HERC2: variants seen among roughly 807,000 people sequenced by gnomAD.
The protein encoded by HERC2 is HECT and RLD domain containing E3 ubiquitin protein ligase 2, also known as E3 ubiquitin-protein ligase HERC2.
In HERC2, 102 loss-of-function variants were observed where a neutral mutation model predicts 537.7. That is an observed-to-expected ratio of 0.19 (90% CI 0.16 to 0.22). The LOEUF is 0.22. Ranked by LOEUF, HERC2 falls within the 10% of genes least tolerant of loss-of-function variation. HERC2 has a pLI of 1.00. For missense variants in HERC2, 4,236 were observed against 6,198.2 expected, an observed-to-expected ratio of 0.68 and a Z score of 10.63; for synonymous variants, 2,224 against 2,466.2, an observed-to-expected ratio of 0.90 and a Z score of 2.91.
chr15:28,256,135 G>T lies in HERC2; in HGVS notation c.2700C>A (p.Thr900=). 1 of 1,601,930 alleles carries T rather than the reference G, an allele frequency of 6.2e-7. No homozygotes were observed. The highest frequency in any genetic ancestry group is 8.5e-7 in the Non-Finnish European group (1 of 1,179,524). Residue 900 remains threonine, a synonymous_variant, in exon 18 of 93, where the codon ACC becomes ACA. Transcript: ENST00000261609. Reference sequence around the variant, plus strand: ...AGAGTGCCCGGGCCCGCTCCTCCGCGGTGGGCAGCAGCACGGACCAGCCAC... The same window carrying T: ...AGAGTGCCCGGGCCCGCTCCTCCGCTGTGGGCAGCAGCACGGACCAGCCAC... ...LQSGWSVLLP[T]AEERARALSA...
intron 4 of HERC2, among the ~76,000 whole-genome samples, chr15:28,282,966 A>AGGGAT (rs199907206): frequency 0.068 from 9,499 of 139,144 alleles, 1,194 homozygotes; most frequent in African/African-American, 0.25. Context: ...AGGGACAGGA[A>AGGGAT]GGGATGGGAC....
chr15:28,299,232 C>T (rs1221895891), intron 3 of HERC2, among the ~76,000 whole-genome samples, 170 bp downstream of exon 3: 2 of 152,004 alleles, frequency 1.3e-5, no homozygotes, highest in Non-Finnish European at 2.9e-5. Context: ...CAATAAAATC[C>T]GAGCAGCTTG....
chr15:28,218,467 C>T (rs776053590), intron 38 of HERC2, 22 bp downstream of exon 38: 13 of 1,580,324 alleles, frequency 8.2e-6, no homozygotes, highest in Non-Finnish European at 8.6e-6. Context: ...ACTCCCTGGG[C>T]CCTCGATCTC....
intron 55 of HERC2, chr15:28,190,687 A>C: frequency 2.0e-6 from 1 of 495,266 alleles, no homozygotes; most frequent in Non-Finnish European, 3.6e-6. Context: ...GCAACCTAAA[A>C]TGCCTGATGA....
chr15:28,167,032 G>A (rs1894210807), intron 68 of HERC2, among the ~76,000 whole-genome samples: 1 of 152,148 alleles, frequency 6.6e-6, no homozygotes. Flanking sequence ...CAATAAATGT[G>A]AACAATGAAA....
At chr15:28,182,536 A>G in intron 56 of HERC2, 24 bp from the exon 57 acceptor site, 1 of 1,524,944 alleles carries the variant, frequency 6.6e-7, no homozygotes, top group Non-Finnish European at 9.0e-7. Flanking sequence ...AAAAAAAAAG[A>G]AAAAGAAAAG....
chr15:28,241,799 G>A (rs1429621938), intron 23 of HERC2, among the ~76,000 whole-genome samples: 5 of 152,050 alleles, frequency 3.3e-5, no homozygotes, highest in East Asian at 1.9e-4. Flanking sequence ...CAACCTGGGC[G>A]ACAGAGCAAG....
chr15:28,251,226 T>A (rs2140855273), intron 20 of HERC2, among the ~76,000 whole-genome samples: 1 of 152,062 alleles, frequency 6.6e-6, no homozygotes, highest in Non-Finnish European at 1.5e-5. Flanking sequence ...GCAGATTACC[T>A]CAGGTTGGGA....
intron 65 of HERC2, among the ~76,000 whole-genome samples, chr15:28,172,235 C>T (rs546469043): frequency 6.6e-6 from 1 of 152,308 alleles, no homozygotes; most frequent in African/African-American, 2.4e-5. Context: ...ATGCAATCCA[C>T]ATCAAAATCC....
At chr15:28,149,856 C>T (rs1421969747) in intron 70 of HERC2, among the ~76,000 whole-genome samples, 1 of 151,992 alleles carries the variant, frequency 6.6e-6, no homozygotes, top group Non-Finnish European at 1.5e-5. Flanking sequence ...CACGAACGCA[C>T]ATTCTAGTAA....
chr15:28,226,887 T>A (rs1326959341), intron 35 of HERC2, among the ~76,000 whole-genome samples: 1 of 151,962 alleles, frequency 6.6e-6, no homozygotes, highest in Non-Finnish European at 1.5e-5. Flanking sequence ...TTTTAAAGAG[T>A]CTGAGGACTG....
rs1193223380 is a variant in HERC2 at position 28,130,471 on chromosome 15, T to C, written c.12662+32A>G. 9 of 1,604,630 alleles carry C rather than the reference T, an allele frequency of 5.6e-6. No individual in the cohort carries two copies. In the East Asian group the frequency reaches 1.8e-4, roughly 32 times the overall value. ...ACATACCCCAATAAAAATCTGGTTT[T>C]AGTGGGTTTAAACAAACAGAATCTT... On this transcript the variant is annotated intron_variant, in intron 82 of 92. Coordinates refer to ENST00000261609, the MANE Select transcript of HERC2 (RefSeq NM_004667.6).
rs781315090 is a variant in HERC2, at chr15:28,141,564, G to A, written c.11883C>T (p.His3961=). 1 of 1,614,126 alleles carries A rather than the reference G, an allele frequency of 6.2e-7. No individual in the cohort carries two copies. Among genetic ancestry groups the A allele is most frequent in the South Asian group, 1.1e-5 (1 of 91,084 alleles). The change falls in exon 78 of 93, where the codon CAC becomes CAT. Residue 3961 remains histidine (H), a synonymous_variant. Transcript: ENST00000261609. ...SGTIYGWGHN[H]RGQLGGIEGA... ...CTTCAATGCCCCCGAGCTGGCCCCT[G>A]TGATTATGTCCCCATCCATAAATTG...
chr15:28,129,780 C>CTTTTT lies in HERC2; in HGVS notation c.12802+378_12802+382dup, dbSNP rs36068402. Among the ~76,000 whole-genome samples, 24 of 143,546 alleles carry CTTTTT rather than the reference C, an allele frequency of 1.7e-4. 10 individuals are homozygous for CTTTTT. The highest frequency in any genetic ancestry group is 1.5e-4 in the Non-Finnish European group (10 of 65,886). 94.2% of individuals were successfully genotyped at this position (143,546 alleles called of 152,430 possible). ...AGGACACAGTATAAGCCTCTGCCTC[C>CTTTTT]TTTTTTTTTTTTTTTTTGAGACAGT... On this transcript the variant is annotated intron_variant, in intron 83 of 92. Coordinates refer to ENST00000261609, the MANE Select transcript of HERC2 (RefSeq NM_004667.6).
intron 4 of HERC2, among the ~76,000 whole-genome samples, chr15:28,291,367 G>A (rs543187960): frequency 6.3e-4 from 96 of 152,152 alleles, no homozygotes; most frequent in African/African-American, 2.3e-3. Flanking sequence ...TGGGATTACA[G>A]GCGTGAGATA....
intron 2 of HERC2, among the ~76,000 whole-genome samples, chr15:28,300,114 C>T (rs2076581630): frequency 6.6e-6 from 1 of 150,702 alleles, no homozygotes; most frequent in African/African-American, 2.4e-5. Context: ...CACACACGTG[C>T]ATGTGCTCTG....
At chr15:28,201,678 T>TA in intron 47 of HERC2, 124 bp from the exon 48 acceptor site, 1 of 679,960 alleles carries the variant, frequency 1.5e-6, no homozygotes, top group South Asian at 1.9e-5. Flanking sequence ...ATTTTCTCTA[T>TA]AAAAATCTTC....
intron 69 of HERC2, among the ~76,000 whole-genome samples, chr15:28,162,689 ACC>A (rs1018219337): frequency 3.9e-5 from 6 of 152,134 alleles, no homozygotes; most frequent in African/African-American, 1.4e-4. Flanking sequence ...GGAGATCAAG[ACC>A]ATCCTGGCTA....
At chr15:28,219,506 T>C (rs150132959) in intron 37 of HERC2, among the ~76,000 whole-genome samples, 41 of 152,314 alleles carry the variant, frequency 2.7e-4, no homozygotes, top group African/African-American at 9.6e-4. Context: ...CCAGGTGCCA[T>C]ATACATCGCT....
Sources: gnomAD v4.1 joint callset for allele counts (sites outside exome capture counted in the v4.1 genomes callset) on GRCh38, gnomAD v4.1.1 for gene constraint, MANE v1.5 for transcripts, NCBI Gene and HGNC (gene_info 2026-07-23, HGNC 2026-07-21) for gene names.